The following TAOK1 variants were observed in gnomAD, a reference collection of about 807,000 sequenced individuals.
TAOK1 encodes TAO kinase 1.
TAOK1 carries 21 observed loss-of-function variants against 138.3 expected under a neutral mutation model. The ratio of observed to expected loss-of-function variants is 0.15; its 90% CI spans 0.11 to 0.22. The LOEUF (loss-of-function observed/expected upper bound fraction) is 0.22, where lower values mean the gene tolerates loss of function less well. Ranked by LOEUF, TAOK1 falls within the 10% of genes least tolerant of loss-of-function variation. The pLI is 1.00. For synonymous variants in TAOK1, 361 were observed against 398.4 expected (o/e 0.91, Z 1.12); for missense variants, 651 against 1,227.7 (o/e 0.53, Z 7.02).
At position 29,502,583 on chromosome 17, in the gene TAOK1, T is replaced by C. The variant is rs755976658; in HGVS notation, c.1204-6T>C. ...ACATAATATTGTCTTTTTTTTTTTT[T>C]CCTAGGAGGAAGAAAATTACAGAGA... On this transcript the variant is annotated splice_region_variant and splice_polypyrimidine_tract_variant and intron_variant, in intron 12 of 19. Transcript: ENST00000261716. 5.6e-6 allele frequency: 9 copies of C among 1,602,040 alleles called. No individual in the cohort carries two copies. Among genetic ancestry groups the C allele is most frequent in the East Asian group, 2.2e-5 (1 of 44,788 alleles).
At chr17:29,465,732 A>G (rs2030646123) in intron 2 of TAOK1, among the ~76,000 whole-genome samples, 1 of 150,566 alleles carries the variant, frequency 6.6e-6, no homozygotes, top group African/African-American at 2.4e-5. Context: ...CTCATTTTAA[A>G]TATTTCACAG....
At chr17:29,495,346 A>G (rs983654712) in intron 10 of TAOK1, among the ~76,000 whole-genome samples, 15 of 152,218 alleles carry the variant, frequency 9.9e-5, no homozygotes, top group African/African-American at 3.6e-4. Context: ...GCCAACAAAA[A>G]TATTATGTTC....
intron 3 of TAOK1, among the ~76,000 whole-genome samples, chr17:29,468,920 ATCTAG>A (rs1344869594): frequency 6.6e-6 from 1 of 152,226 alleles, no homozygotes; most frequent in Non-Finnish European, 1.5e-5. Flanking sequence ...ATGAATGTAT[ATCTAG>A]TCTGAGAAAC....
chr17:29,518,760 T>TATC (rs2153030523), intron 16 of TAOK1, among the ~76,000 whole-genome samples: 1 of 134,636 alleles, frequency 7.4e-6, no homozygotes, highest in Non-Finnish European at 1.7e-5. Flanking sequence ...CTTTATCTAT[T>TATC]TATTTATTTA....
chr17:29,508,270 TTATA>T (rs1381493608), intron 14 of TAOK1, 138 bp downstream of exon 14: 1 of 703,564 alleles, frequency 1.4e-6, no homozygotes, highest in African/African-American at 1.8e-5. Context: ...TTTATGTGAC[TTATA>T]TAAAGGTTTC....
chr17:29,500,308 G>A (rs1459107672), intron 12 of TAOK1, among the ~76,000 whole-genome samples: 1 of 151,910 alleles, frequency 6.6e-6, no homozygotes, highest in African/African-American at 2.4e-5. Flanking sequence ...GAGTGAGACT[G>A]TATCTCAAAA....
At chr17:29,432,631 G>A (rs185009774) in intron 1 of TAOK1, among the ~76,000 whole-genome samples, 1 of 151,728 alleles carries the variant, frequency 6.6e-6, no homozygotes, top group Admixed American at 6.6e-5. Context: ...TGCCCGGCCT[G>A]CCTGGCTAAT....
chr17:29,391,871 G>T (rs1004746959), intron 1 of TAOK1, among the ~76,000 whole-genome samples: 3 of 152,136 alleles, frequency 2.0e-5, no homozygotes, highest in Non-Finnish European at 4.4e-5. Context: ...AAATAATTTT[G>T]TACCTCCTCA....
intron 16 of TAOK1, among the ~76,000 whole-genome samples, chr17:29,519,245 T>C (rs1300384088): frequency 6.6e-6 from 1 of 152,168 alleles, no homozygotes; most frequent in African/African-American, 2.4e-5. Context: ...GTGTGATGGT[T>C]CATGGCTGTG....
intron 7 of TAOK1, among the ~76,000 whole-genome samples, chr17:29,481,192 T>C (rs933489187): frequency 1.3e-5 from 2 of 148,706 alleles, no homozygotes; most frequent in Non-Finnish European, 3.0e-5. Context: ...AAGCAAAAAT[T>C]AGACTTTTTT....
intron 1 of TAOK1, among the ~76,000 whole-genome samples, chr17:29,448,156 T>G (rs573006800): frequency 6.6e-6 from 1 of 151,924 alleles, no homozygotes; most frequent in South Asian, 2.1e-4. Context: ...ACAAAGAAAT[T>G]TACTCATATT....
rs897819052 is a variant in TAOK1 at position 29,390,570 on chromosome 17, C to G, written c.-549C>G. On this transcript the variant is annotated 5_prime_UTR_variant, in exon 1 of 20. Coordinates refer to ENST00000261716, the MANE Select transcript of TAOK1 (RefSeq NM_020791.4). ...CCGCCCCGCCGTCCGCCGGCCGGCC[C>G]GCGGCCTCTCTTCCCTTTGTGAGCG... The G allele has an allele frequency of 6.6e-6, 1 of 152,106 alleles. No individual in the cohort carries two copies. The highest frequency in any genetic ancestry group is 2.4e-5 in the African/African-American group (1 of 41,294). 9.4% of individuals were successfully genotyped at this position (152,106 alleles called of 1,614,324 possible). A position where few individuals can be genotyped will look rare whatever the true frequency, so the allele number is the denominator to read the frequency against.
intron 1 of TAOK1, among the ~76,000 whole-genome samples, chr17:29,443,558 A>T (rs564669779): frequency 7.2e-5 from 11 of 152,198 alleles, no homozygotes; most frequent in Admixed American, 2.0e-4. Flanking sequence ...GCAAGTGTAA[A>T]TAGCCTAAAA....
intron 14 of TAOK1, 44 bp downstream of exon 14, chr17:29,508,176 A>G (rs1377388162): frequency 2.0e-6 from 3 of 1,534,396 alleles, no homozygotes; most frequent in South Asian, 1.1e-5. Context: ...TAGGTTTTGA[A>G]TGTCTCAGAA....
chr17:29,402,230 T>C (rs1598465025), intron 1 of TAOK1, among the ~76,000 whole-genome samples: 1 of 152,200 alleles, frequency 6.6e-6, no homozygotes, highest in South Asian at 2.1e-4. Context: ...GAACGTGTTA[T>C]CAGATATCTA....
intron 18 of TAOK1, among the ~76,000 whole-genome samples, chr17:29,533,734 G>A (rs1481468739): frequency 2.0e-5 from 3 of 146,552 alleles, no homozygotes; most frequent in African/African-American, 5.1e-5. Context: ...GCAGGCACTC[G>A]GCAGGCTGAG....
rs1026570929 is a variant in TAOK1, at chr17:29,394,615, G to A, written c.-95+3591G>A. On this transcript the variant is annotated intron_variant, in intron 1 of 19. Coordinates refer to ENST00000261716, the MANE Select transcript of TAOK1 (RefSeq NM_020791.4). The stretch of plus-strand genomic sequence containing the variant: ...TCTGTGTTTTGCATTTGGCTTATTT[G>A]TATATTAAAATCACTTAATTTTTCA... 7.2e-5 allele frequency among the ~76,000 whole-genome samples: 11 copies of A among 152,264 alleles called. No individual in the cohort carries two copies. The East Asian group carries it at 1.7e-3, about 24-fold the overall frequency.
chr17:29,531,297 T>A (rs1300942346), intron 18 of TAOK1, among the ~76,000 whole-genome samples: 1 of 150,670 alleles, frequency 6.6e-6, no homozygotes, highest in African/African-American at 2.4e-5. Flanking sequence ...TTTATTTTTT[T>A]AGATGGAATT....
rs1905570606 is a variant in TAOK1, at chr17:29,424,465, T to TAG, written c.-94-26986_-94-26985dup. Among the ~76,000 whole-genome samples, 7 of 123,006 alleles carry TAG rather than the reference T, an allele frequency of 5.7e-5. No individual in the cohort carries two copies. The South Asian group carries it at 1.5e-3, about 27-fold the overall frequency. 80.7% of individuals were successfully genotyped at this position (123,006 alleles called of 152,430 possible). On this transcript the variant is annotated intron_variant, in intron 1 of 19. Transcript: ENST00000261716. ...AAAAAAAAAAAAAAAAAAAGACAAATAGAGACACGGTAACATTTGCTAAGG... is the reference window on the plus strand; with the variant it reads ...AAAAAAAAAAAAAAAAAAAGACAAATAGAGAGACACGGTAACATTTGCTAAGG...
Sources: gnomAD v4.1 joint callset for allele counts (sites outside exome capture counted in the v4.1 genomes callset) on GRCh38, gnomAD v4.1.1 for gene constraint, MANE v1.5 for transcripts, NCBI Gene and HGNC (gene_info 2026-07-23, HGNC 2026-07-21) for gene names.